UGT1A8: variants seen among roughly 807,000 people sequenced by gnomAD.
UGT1A8 encodes the protein UDP glucuronosyltransferase family 1 member A8.
UGT1A8 carries 39 observed loss-of-function variants against 45.3 expected under a neutral mutation model. The ratio of observed to expected loss-of-function variants is 0.86; its 90% CI spans 0.67 to 1.12. UGT1A8 has a LOEUF of 1.12. Ranked by LOEUF, UGT1A8 falls within the 50% of genes most tolerant of loss-of-function variation. The pLI, the probability that UGT1A8 is intolerant of heterozygous loss-of-function variation, is 0.00. For synonymous variants in UGT1A8, 275 were observed against 249.2 expected, an observed-to-expected ratio of 1.10 and a Z score of -0.97; for missense variants, 719 against 664.9, an observed-to-expected ratio of 1.08 and a Z score of -0.90.
At chr2:233,745,468 A>C (rs991715539) in intron 1 of UGT1A8, among the ~76,000 whole-genome samples, 2 of 151,704 alleles carry the variant, frequency 1.3e-5, no homozygotes, top group African/African-American at 4.9e-5. Context: ...TCTAAGGGGA[A>C]AATGATTAAC....
rs1354150076 is a variant in UGT1A8 at position 233,648,348 on chromosome 2, A to C, written c.855+29786A>C. On this transcript the variant is annotated intron_variant, in intron 1 of 4. Coordinates refer to ENST00000373450, the MANE Select transcript of UGT1A8 (RefSeq NM_019076.5). The stretch of plus-strand genomic sequence containing the variant: ...TCTCGGTGGTCTTCGCCAGAGGAAT[A>C]CTTTGACATTACCTTGAAGAAGGTG... 3.0e-5 allele frequency: 13 copies of C among 439,426 alleles called. 1 individual carries two copies. The highest frequency in any genetic ancestry group is 5.6e-5 in the Non-Finnish European group (13 of 230,502). 27.2% of individuals were successfully genotyped at this position (439,426 alleles called of 1,614,324 possible). A position where few individuals can be genotyped will look rare whatever the true frequency, so the allele number is the denominator to read the frequency against.
Position 233,769,836 on chromosome 2 carries a change from C to T in UGT1A8, c.1295+1397C>T. ...TGCCACTGCACTCCAGCAACCTGGGCAACAGAGTGAGACCCTGTCTCAAAA... is the reference window on the plus strand; with the variant it reads ...TGCCACTGCACTCCAGCAACCTGGGTAACAGAGTGAGACCCTGTCTCAAAA... On this transcript the variant is annotated intron_variant, in intron 4 of 4. Coordinates refer to ENST00000373450, the MANE Select transcript of UGT1A8 (RefSeq NM_019076.5). This position sits in a 1 kb window ranked among gnomAD's most constrained non-coding sequence, Gnocchi z 4.4. 7.4e-6 allele frequency: 4 copies of T among 538,192 alleles called. No individual in the cohort carries two copies. The highest frequency in any genetic ancestry group is 1.1e-5 in the Non-Finnish European group (4 of 353,822). 33.3% of individuals were successfully genotyped at this position (538,192 alleles called of 1,614,324 possible).
chr2:233,759,024 C>T (rs1053899140), intron 1 of UGT1A8, among the ~76,000 whole-genome samples: 1 of 152,174 alleles, frequency 6.6e-6, no homozygotes, highest in Admixed American at 6.5e-5. Context: ...ATTTGCTTAT[C>T]TATTTGGTTT....
At chr2:233,770,794 T>A (rs1195503821) in intron 4 of UGT1A8, 2 of 152,196 alleles carry the variant, frequency 1.3e-5, no homozygotes, top group Non-Finnish European at 2.9e-5. Flanking sequence ...ATTATAGATA[T>A]GTTTAAAGAC....
chr2:233,733,661 T>C (rs1200789776), intron 1 of UGT1A8, among the ~76,000 whole-genome samples: 1 of 152,240 alleles, frequency 6.6e-6, no homozygotes, highest in African/African-American at 2.4e-5. Context: ...GAAGCCGACT[T>C]GATCGATGTG....
intron 1 of UGT1A8, chr2:233,742,966 C>G: frequency 4.5e-6 from 1 of 219,782 alleles, no homozygotes; most frequent in Non-Finnish European, 9.2e-6. Context: ...TTGTCTGCCT[C>G]AGGCTTAAGT....
At position 233,772,394 on chromosome 2, in the gene UGT1A8, C is replaced by T. The variant is rs369610863; in HGVS notation, c.1428C>T (p.His476=). Reference sequence around the variant, plus strand: ...CGCCACACCTGCGCCCCGCAGCCCACGACCTCACCTGGTACCAGTACCATT... The same window carrying T: ...CGCCACACCTGCGCCCCGCAGCCCATGACCTCACCTGGTACCAGTACCATT... ...KGAPHLRPAA[H]DLTWYQYHSL... The change falls in exon 5 of 5, where the codon CAC becomes CAT. Residue 476 remains histidine, a synonymous_variant. Coordinates refer to ENST00000373450, the MANE Select transcript of UGT1A8 (RefSeq NM_019076.5). 1.2e-5 allele frequency: 19 copies of T among 1,614,144 alleles called. No homozygotes were observed. The highest frequency in any genetic ancestry group is 1.2e-4 in the Admixed American group (7 of 60,014).
At chr2:233,672,197 G>A (rs148603525) in intron 1 of UGT1A8, 42 of 1,614,132 alleles carry the variant, frequency 2.6e-5, no homozygotes, top group Middle Eastern at 3.3e-4. Flanking sequence ...GATCTGGACC[G>A]GGAGTTCAAG....
chr2:233,765,357 A>T (rs1425075140), intron 1 of UGT1A8, among the ~76,000 whole-genome samples: 2 of 152,244 alleles, frequency 1.3e-5, no homozygotes, highest in Non-Finnish European at 2.9e-5. Context: ...GAACCAACCC[A>T]GATGCCCATC....
intron 1 of UGT1A8, among the ~76,000 whole-genome samples, chr2:233,697,712 T>C (rs1003078793): frequency 2.0e-5 from 3 of 152,126 alleles, no homozygotes; most frequent in East Asian, 1.9e-4. Flanking sequence ...CATTTATTGT[T>C]AAAAACTTCT....
At chr2:233,641,644 T>G (rs2073455797) in intron 1 of UGT1A8, among the ~76,000 whole-genome samples, 1 of 152,206 alleles carries the variant, frequency 6.6e-6, no homozygotes, top group Non-Finnish European at 1.5e-5. Context: ...ATGAGCTTCC[T>G]TTTCTTTCTG....
chr2:233,668,606 T>C (rs1447953773), intron 1 of UGT1A8, among the ~76,000 whole-genome samples: 7 of 152,228 alleles, frequency 4.6e-5, no homozygotes, highest in African/African-American at 1.7e-4. Context: ...GTATTTCTAG[T>C]TCTAGATCCT....
At chr2:233,753,038 T>C (rs1254734461) in intron 1 of UGT1A8, among the ~76,000 whole-genome samples, 1 of 152,162 alleles carries the variant, frequency 6.6e-6, no homozygotes, top group Non-Finnish European at 1.5e-5. Flanking sequence ...AAAACTACCA[T>C]GAAACTGTTC....
chr2:233,661,623 T>TTTTCTTTCTTTCTTTTCTTTTTCTTTC (rs1265546183), intron 1 of UGT1A8, among the ~76,000 whole-genome samples: 1 of 123,952 alleles, frequency 8.1e-6, no homozygotes, highest in South Asian at 2.7e-4. Flanking sequence ...ACTTACTGAA[T>TTTTCTTTCTTTCTTTTCTTTTTCTTTC]TTTCTTTCTT....
intron 1 of UGT1A8, chr2:233,690,985 T>G (rs2125547210): frequency 1.7e-5 from 17 of 995,592 alleles, no homozygotes; most frequent in South Asian, 4.5e-5. Context: ...GACCCACATA[T>G]GAGCAACAGG....
At chr2:233,619,265 A>G (rs1317996373) in intron 1 of UGT1A8, among the ~76,000 whole-genome samples, 1 of 152,160 alleles carries the variant, frequency 6.6e-6, no homozygotes, top group African/African-American at 2.4e-5. Flanking sequence ...ATACAGACAG[A>G]TTTGACAAGT....
intron 1 of UGT1A8, among the ~76,000 whole-genome samples, chr2:233,637,577 T>C (rs988980036): frequency 3.3e-5 from 5 of 152,220 alleles, no homozygotes; most frequent in African/African-American, 1.2e-4. Flanking sequence ...GTATATGTAA[T>C]AATTTAAAAA....
intron 1 of UGT1A8, chr2:233,741,688 A>C (rs1691743482): frequency 6.6e-6 from 1 of 151,896 alleles, no homozygotes; most frequent in Non-Finnish European, 1.5e-5. Flanking sequence ...GGGTGCCATT[A>C]CATGCAGAGT....
intron 1 of UGT1A8, among the ~76,000 whole-genome samples, chr2:233,752,117 A>T (rs910162092): frequency 3.9e-5 from 6 of 152,242 alleles, no homozygotes. Context: ...GAGGAGAAGA[A>T]GATGATGGAC....
Sources: allele counts gnomAD v4.1 joint callset (sites outside exome capture counted in the v4.1 genomes callset), GRCh38; gene constraint gnomAD v4.1.1; non-coding constraint Gnocchi (gnomAD v3.1); transcripts MANE v1.5; gene names NCBI Gene and HGNC (gene_info 2026-07-23, HGNC 2026-07-21).